SLC25A40: variants seen among roughly 807,000 people sequenced by gnomAD.
SLC25A40 encodes the protein mitochondrial glutathione transporter SLC25A40.
Under a neutral mutation model 46.5 loss-of-function variants are expected in SLC25A40, and 41 were observed. The ratio of observed to expected loss-of-function variants is 0.88; its 90% CI spans 0.69 to 1.14. The LOEUF is 1.14. Ranked by LOEUF, SLC25A40 falls within the 50% of genes most tolerant of loss-of-function variation. SLC25A40 has a pLI of 0.00. For synonymous variants in SLC25A40, 126 were observed against 127.5 expected (o/e 0.99, Z 0.08); for missense variants, 386 against 393.6 (o/e 0.98, Z 0.16).
rs985830105 is a variant in SLC25A40 at position 87,835,411 on chromosome 7, T to C, written c.*838A>G. 2.0e-5 allele frequency: 3 copies of C among 151,672 alleles called. No homozygotes were observed. The highest frequency in any genetic ancestry group is 7.2e-5 in the African/African-American group (3 of 41,382). 9.4% of individuals were successfully genotyped at this position (151,672 alleles called of 1,614,324 possible). ...ACCTAGAGAATTCCATGAACAATGA[T>C]ACTTGGATTACAAGAGAGCTAAAAA... is the stretch of plus-strand genomic sequence containing the variant. On this transcript the variant is annotated 3_prime_UTR_variant, in exon 12 of 12. Transcript: ENST00000341119.
At chr7:87,858,522 T>C in intron 3 of SLC25A40, 109 bp downstream of exon 3, 1 of 676,098 alleles carries the variant, frequency 1.5e-6, no homozygotes. Flanking sequence ...AGCCAGCCAA[T>C]ACTTATGGAA....
chr7:87,853,733 A>T lies in SLC25A40; in HGVS notation c.264+471T>A, dbSNP rs190941842. Among the ~76,000 whole-genome samples, 365 of 152,340 alleles carry T rather than the reference A, an allele frequency of 2.4e-3. 3 individuals are homozygous for T. The highest frequency in any genetic ancestry group is 0.013 in the Admixed American group (192 of 15,302). ...TTATACAACACTCTTGAAATGACAA[A>T]ATTATATAAATGAAGAACAAATTAG... On this transcript the variant is annotated intron_variant, in intron 5 of 11. Coordinates refer to ENST00000341119, the MANE Select transcript of SLC25A40 (RefSeq NM_018843.4).
At chr7:87,853,987 T>C (rs920904627) in intron 5 of SLC25A40, among the ~76,000 whole-genome samples, 2 of 152,150 alleles carry the variant, frequency 1.3e-5, no homozygotes, top group African/African-American at 2.4e-5. Flanking sequence ...TTTTATATTA[T>C]CTCAAAATAA....
chr7:87,848,071 G>T, intron 6 of SLC25A40, 94 bp from the exon 7 acceptor site: 1 of 1,383,992 alleles, frequency 7.2e-7, no homozygotes, highest in South Asian at 1.5e-5. Flanking sequence ...AGCTAAAAAA[G>T]TCTTATATTT....
intron 1 of SLC25A40, among the ~76,000 whole-genome samples, chr7:87,862,349 T>C (rs555203866): frequency 2.0e-4 from 30 of 152,304 alleles, no homozygotes; most frequent in Non-Finnish European, 3.1e-4. Context: ...ATTCCTCTTT[T>C]CTATACCTTT....
At chr7:87,870,095 T>C (rs1562751284) in intron 1 of SLC25A40, among the ~76,000 whole-genome samples, 1 of 152,014 alleles carries the variant, frequency 6.6e-6, no homozygotes, top group Admixed American at 6.6e-5. Flanking sequence ...GAAATATATC[T>C]TCTTTGGAGA....
At position 87,858,702 on chromosome 7, in the gene SLC25A40, T is replaced by C. The variant is rs765656730; in HGVS notation, c.26A>G (p.Glu9Gly). The C allele has an allele frequency of 1.9e-6, 3 of 1,612,626 alleles. No homozygotes were observed. Among genetic ancestry groups the C allele is most frequent in the South Asian group, 2.2e-5 (2 of 91,034 alleles). MDPETRGQ[E>G]IIKVTPLQQM... ...TTGAAGAGGTGTCACTTTGATAATC[T>C]CTTGTCCCCTTGTCTCAGGATCCAT... The change falls in exon 3 of 12, where the codon GAG becomes GGG. Residue 9 changes from glutamate (E) to glycine (G), a missense_variant. Coordinates refer to ENST00000341119, the MANE Select transcript of SLC25A40 (RefSeq NM_018843.4).
chr7:87,863,140 T>C (rs577716480), intron 1 of SLC25A40, among the ~76,000 whole-genome samples: 63 of 152,340 alleles, frequency 4.1e-4, no homozygotes, highest in Non-Finnish European at 8.2e-4. Flanking sequence ...TTAAGGCATG[T>C]ATACTTTCCT....
Position 87,868,715 on chromosome 7 carries a change from T to C in SLC25A40, c.-94+7381A>G, listed in dbSNP as rs370150253. Among the ~76,000 whole-genome samples the C allele has an allele frequency of 1.7e-4, 26 of 152,310 alleles. No homozygotes were observed. In the East Asian group the frequency reaches 3.3e-3, roughly 19 times the overall value. On this transcript the variant is annotated intron_variant, in intron 1 of 11. Transcript: ENST00000341119. ...GGTGCTTCCATTCCCTTCCTGGGCA[T>C]GCCACCCTGCAGGAACCTCAACATA...
intron 4 of SLC25A40, among the ~76,000 whole-genome samples, chr7:87,854,680 C>T (rs1242227940): frequency 4.0e-5 from 6 of 151,644 alleles, no homozygotes; most frequent in African/African-American, 9.7e-5. Flanking sequence ...GGCGTGGTGG[C>T]GGGCGCCTGT....
intron 8 of SLC25A40, among the ~76,000 whole-genome samples, chr7:87,846,391 C>A (rs886880055): frequency 2.0e-5 from 3 of 152,164 alleles, no homozygotes; most frequent in African/African-American, 7.2e-5. Flanking sequence ...GGAAATGCCA[C>A]TAAAGTAGGC....
intron 9 of SLC25A40, among the ~76,000 whole-genome samples, chr7:87,842,898 A>T (rs1838356125): frequency 6.6e-6 from 1 of 152,054 alleles, no homozygotes; most frequent in Non-Finnish European, 1.5e-5. Context: ...ATTATTCAAC[A>T]ATACTAATTG....
chr7:87,849,792 TA>T, intron 6 of SLC25A40, 88 bp downstream of exon 6: 1 of 962,014 alleles, frequency 1.0e-6, no homozygotes, highest in Non-Finnish European at 1.5e-6. Flanking sequence ...ATTCTAATAT[TA>T]AAAATGCAAG....
rs1176628362 is a variant in SLC25A40, at chr7:87,841,676, T to C, written c.780A>G (p.Lys260=). The C allele has an allele frequency of 2.0e-6, 3 of 1,530,794 alleles. No individual in the cohort carries two copies. The allele number at this position is 1,530,794 out of a possible 1,614,324, so 94.8% of individuals were successfully genotyped here. Residue 260 remains lysine (K), a synonymous_variant, in exon 10 of 12, where the codon AAA becomes AAG. Transcript: ENST00000341119. ...TCCAAAGTTGTGTCTGCTTTTGTGT[T>C]TTTACTACATCAAATGGTAAAGTTG... The part of the protein sequence containing the change: ...AVATLPFDVV[K]TQKQTQLWTY...
At chr7:87,868,055 C>T (rs10239922) in intron 1 of SLC25A40, among the ~76,000 whole-genome samples, 11,958 of 152,236 alleles carry the variant, frequency 0.079, 494 homozygotes, top group African/African-American at 0.1. Context: ...GTACCACCTC[C>T]CCACCTTTTA....
chr7:87,848,097 C>A, intron 6 of SLC25A40, 120 bp from the exon 7 acceptor site: 1 of 1,164,532 alleles, frequency 8.6e-7, no homozygotes. Flanking sequence ...AAGCTAAAAA[C>A]TACAATAAAT....
intron 1 of SLC25A40, among the ~76,000 whole-genome samples, chr7:87,870,330 T>C (rs1838877360): frequency 6.6e-6 from 1 of 152,096 alleles, no homozygotes; most frequent in African/African-American, 2.4e-5. Context: ...TTGTTGGCCT[T>C]CTGAAGCAAA....
intron 6 of SLC25A40, 126 bp downstream of exon 6, chr7:87,849,755 A>C (rs1460195589): frequency 8.8e-6 from 6 of 679,722 alleles, no homozygotes; most frequent in Non-Finnish European, 1.2e-5. Context: ...GTGAGGCTTA[A>C]AAAACAATAC....
rs1393851880 is a variant in SLC25A40, at chr7:87,833,931, AT to A, written c.*2317del. On this transcript the variant is annotated 3_prime_UTR_variant, in exon 12 of 12. Transcript: ENST00000341119. ...ATGAATAGTTTTCCTAGAAAAAAAA[AT>A]ATTGCCTTTTAAAAAAAATCAAATA... 3.3e-5 allele frequency: 5 copies of A among 151,890 alleles called. No homozygotes were observed. The highest frequency in any genetic ancestry group is 1.3e-4 in the Admixed American group (2 of 15,158). The allele number at this position is 151,890 out of a possible 1,614,324, so 9.4% of individuals were successfully genotyped here.
Sources: allele counts gnomAD v4.1 joint callset (sites outside exome capture counted in the v4.1 genomes callset), GRCh38; gene constraint gnomAD v4.1.1; transcripts MANE v1.5; gene names NCBI Gene and HGNC (gene_info 2026-07-23, HGNC 2026-07-21).